Variants in NOS1 observed in about 807,000 individuals in gnomAD.
The protein encoded by NOS1 is nitric oxide synthase 1, also known as NOS type I.
A neutral mutation model predicts 164.5 loss-of-function variants in NOS1; 51 were observed. That is an observed-to-expected ratio of 0.31 (90% CI 0.25 to 0.39). The LOEUF is 0.39. Among genes scored for constraint, NOS1 ranks in the 10% least tolerant of loss-of-function variants. NOS1 has a pLI of 1.00. For synonymous variants in NOS1, 719 were observed against 745.8 expected, an observed-to-expected ratio of 0.96 and a Z score of 0.59; for missense variants, 1,362 against 1,885.6, an observed-to-expected ratio of 0.72 and a Z score of 5.14.
At chr12:117,237,914 G>C (rs1270744563) in intron 20 of NOS1, among the ~76,000 whole-genome samples, 1 of 152,120 alleles carries the variant, frequency 6.6e-6, no homozygotes, top group Non-Finnish European at 1.5e-5. Flanking sequence ...GATGGGTTGA[G>C]GGGAGCAGGC....
Position 117,215,148 on chromosome 12 carries a change from CCGAGGAAACCACTGAGGGG to C in NOS1, c.*142_*160del. The C allele has an allele frequency of 1.5e-6, 2 of 1,321,482 alleles. No homozygotes were observed. The highest frequency in any genetic ancestry group is 1.9e-6 in the Non-Finnish European group (2 of 1,026,306). The allele number at this position is 1,321,482 out of a possible 1,614,324, so 81.9% of individuals were successfully genotyped here. A position where few individuals can be genotyped will look rare whatever the true frequency, so the allele number is the denominator to read the frequency against. On this transcript the variant is annotated 3_prime_UTR_variant, in exon 29 of 29. Coordinates refer to ENST00000317775, the MANE Select transcript of NOS1 (RefSeq NM_000620.5). Reference sequence around the variant, plus strand: ...AACTCAAGGAGTAAACCCAGGAGGGCCGAGGAAACCACTGAGGGGCGAGAAGCCCGAGGAGGGAAACCAG... The same window carrying C: ...AACTCAAGGAGTAAACCCAGGAGGGCCGAGAAGCCCGAGGAGGGAAACCAG...
chr12:117,260,498 CA>C lies in NOS1; in HGVS notation c.2333del (p.Leu778CysfsTer13). ...CAAAGGCGTGTTTGAAGATCTCACA[CA>C]AGGTCTTGGCATAAGCTTGCGATTT... is the stretch of plus-strand genomic sequence containing the variant. ...TGKSQAYAKTLCEIFKHAFDA... is the reference protein window; with the variant it reads ...TGKSQAYAKTXCEIFKHAFDA... On this transcript the variant is annotated frameshift_variant, in exon 14 of 29. Coordinates refer to ENST00000317775, the MANE Select transcript of NOS1 (RefSeq NM_000620.5). LOFTEE classifies it high-confidence loss of function. 6.2e-7 allele frequency: 1 copy of C among 1,614,148 alleles called. No individual in the cohort carries two copies. Among genetic ancestry groups the C allele is most frequent in the Non-Finnish European group, 8.5e-7 (1 of 1,180,012 alleles).
intron 9 of NOS1, among the ~76,000 whole-genome samples, chr12:117,277,302 G>T (rs764664934): frequency 8.6e-5 from 13 of 151,866 alleles, no homozygotes; most frequent in Non-Finnish European, 1.8e-4. Context: ...TTGAAAATGT[G>T]GGTCAGGTAC....
chr12:117,233,679 G>A (rs538939971), intron 21 of NOS1, among the ~76,000 whole-genome samples: 12 of 151,768 alleles, frequency 7.9e-5, no homozygotes, highest in African/African-American at 2.7e-4. Context: ...GTGGTGGCAC[G>A]CGCCTGTAAT....
chr12:117,273,626 A>G (rs1211103835), intron 9 of NOS1, among the ~76,000 whole-genome samples: 8 of 152,194 alleles, frequency 5.3e-5, no homozygotes, highest in African/African-American at 1.4e-4. Flanking sequence ...ATAAAAACCC[A>G]ATAATTAGGA....
At chr12:117,341,035 G>A (rs1287757572) in intron 1 of NOS1, among the ~76,000 whole-genome samples, 2 of 151,840 alleles carry the variant, frequency 1.3e-5, no homozygotes, top group South Asian at 2.1e-4. Flanking sequence ...AATAGTTAAC[G>A]TTTTCTATGT....
intron 3 of NOS1, among the ~76,000 whole-genome samples, chr12:117,301,270 A>G (rs552560477): frequency 2.1e-4 from 32 of 152,072 alleles, no homozygotes; most frequent in African/African-American, 7.5e-4. Context: ...TGGGATTACA[A>G]GTGTGTGCCA....
chr12:117,213,250 T>C lies in NOS1; in HGVS notation c.*2059A>G. ...TTCCCTGGGGAATTGGGGAGGCGTCTCCAAAGCTATAAAGGATTGGAAAGA... is the reference window on the plus strand; with the variant it reads ...TTCCCTGGGGAATTGGGGAGGCGTCCCCAAAGCTATAAAGGATTGGAAAGA... On this transcript the variant is annotated 3_prime_UTR_variant, in exon 29 of 29. Transcript: ENST00000317775. 1 of 985,408 alleles carries C rather than the reference T, an allele frequency of 1.0e-6. No individual in the cohort carries two copies. The highest frequency in any genetic ancestry group is 6.1e-5 in the Admixed American group (1 of 16,278). 61.0% of individuals were successfully genotyped at this position (985,408 alleles called of 1,614,324 possible).
Position 117,210,857 on chromosome 12 carries a change from GCTGA to G in NOS1, c.*4448_*4451del, listed in dbSNP as rs1956516137. On this transcript the variant is annotated 3_prime_UTR_variant, in exon 29 of 29. Coordinates refer to ENST00000317775, the MANE Select transcript of NOS1 (RefSeq NM_000620.5). Reference sequence around the variant, plus strand: ...GATTCACCCTGTTGACTCCAGAGAAGCTGACTATCACATCAGCTCTGAAAACTCA... The same window carrying G: ...GATTCACCCTGTTGACTCCAGAGAAGCTATCACATCAGCTCTGAAAACTCA... The G allele has an allele frequency of 1.0e-6, 1 of 985,458 alleles. No individual in the cohort carries two copies. Among genetic ancestry groups the G allele is most frequent in the Non-Finnish European group, 1.2e-6 (1 of 829,948 alleles). The allele number at this position is 985,458 out of a possible 1,614,324, so 61.0% of individuals were successfully genotyped here. A position where few individuals can be genotyped will look rare whatever the true frequency, so the allele number is the denominator to read the frequency against.
chr12:117,268,239 T>C (rs1872560325), intron 10 of NOS1, 95 bp from the exon 11 acceptor site: 2 of 865,372 alleles, frequency 2.3e-6, no homozygotes, highest in Non-Finnish European at 3.8e-6. Flanking sequence ...TAATTTCTTT[T>C]CTTTTTTTTT....
Position 117,234,658 on chromosome 12 carries a change from G to T in NOS1, c.3142C>A (p.Leu1048Ile), listed in dbSNP as rs746992969. ...LGVFPGNHED[L>I]VNALIERLED... ...AGCCGCTCGATCAGGGCATTCACGA[G>T]GTCCTCGTGGTTGCCAGGGAAGACA... is the stretch of plus-strand genomic sequence containing the variant. Residue 1048 changes from leucine (L) to isoleucine (I), a missense_variant, in exon 21 of 29, where the codon CTC (leucine) becomes ATC (isoleucine). Coordinates refer to ENST00000317775, the MANE Select transcript of NOS1 (RefSeq NM_000620.5). This position sits in a 1 kb window ranked among gnomAD's most constrained non-coding sequence, Gnocchi z 4.3. The T allele has an allele frequency of 3.7e-6, 6 of 1,614,078 alleles. No individual in the cohort carries two copies. In the South Asian group the frequency reaches 5.5e-5, roughly 15 times the overall value.
chr12:117,280,519 G>A (rs1873553362), intron 8 of NOS1, among the ~76,000 whole-genome samples: 1 of 152,212 alleles, frequency 6.6e-6, no homozygotes, highest in South Asian at 2.1e-4. Flanking sequence ...GGAGGGCTGA[G>A]TGAGGTAATG....
intron 2 of NOS1, among the ~76,000 whole-genome samples, chr12:117,322,222 C>T (rs1874984525): frequency 1.5e-5 from 2 of 134,632 alleles, no homozygotes; most frequent in Admixed American, 7.3e-5. Context: ...CTCCCTCTTT[C>T]CTTCCTTCCC....
In NOS1 at chr12:117,311,577, C is replaced by T; in HGVS notation, c.741G>A (p.Lys247=). The T allele has an allele frequency of 1.2e-6, 2 of 1,611,588 alleles. No homozygotes were observed. Among genetic ancestry groups the T allele is most frequent in the Non-Finnish European group, 8.5e-7 (1 of 1,178,718 alleles). Residue 247 remains lysine (K), a synonymous_variant, in exon 3 of 29, where the codon AAG becomes AAA. Transcript: ENST00000317775. Reference sequence around the variant, plus strand: ...CGCCGAGGGGCAGAGGTTTGTGTGACTTGCCGTCCAAATCTCTGAAAGGCA... The same window carrying T: ...CGCCGAGGGGCAGAGGTTTGTGTGATTTGCCGTCCAAATCTCTGAAAGGCA... ...GIQVDRDLDG[K]SHKPLPLGVE...
At position 117,210,457 on chromosome 12, in the gene NOS1, A is replaced by C. The variant is rs375987172; in HGVS notation, c.*4852T>G. 5.1e-6 allele frequency: 5 copies of C among 985,376 alleles called. No homozygotes were observed. In the East Asian group the frequency reaches 4.5e-4, roughly 89 times the overall value. The allele number at this position is 985,376 out of a possible 1,614,324, so 61.0% of individuals were successfully genotyped here. On this transcript the variant is annotated 3_prime_UTR_variant, in exon 29 of 29. Transcript: ENST00000317775. ...AAGGCTTTGAGGACATGGTGGCCAC[A>C]GCGGCATGCTGGGTATGTGGGGCAG...
At position 117,208,668 on chromosome 12, in the gene NOS1, C is replaced by T. The variant is rs1956480347; in HGVS notation, c.*6641G>A. 9.1e-7 allele frequency: 1 copy of T among 1,103,630 alleles called. No individual in the cohort carries two copies. Among genetic ancestry groups the T allele is most frequent in the Non-Finnish European group, 1.1e-6 (1 of 897,294 alleles). 68.4% of individuals were successfully genotyped at this position (1,103,630 alleles called of 1,614,324 possible). A position where few individuals can be genotyped will look rare whatever the true frequency, so the allele number is the denominator to read the frequency against. On this transcript the variant is annotated 3_prime_UTR_variant, in exon 29 of 29. Transcript: ENST00000317775. ...CTCAGTGAGTCTTAATCAGAACCAA[C>T]ACCAAGGACACAGTGTCTTATTGAA...
At chr12:117,304,332 C>T (rs1325542240) in intron 3 of NOS1, among the ~76,000 whole-genome samples, 1 of 152,174 alleles carries the variant, frequency 6.6e-6, no homozygotes, top group Non-Finnish European at 1.5e-5. Context: ...TTCTTTTAGG[C>T]AAACTTCTAC....
chr12:117,292,854 C>G (rs913423900), intron 3 of NOS1, among the ~76,000 whole-genome samples: 2 of 152,180 alleles, frequency 1.3e-5, no homozygotes, highest in African/African-American at 4.8e-5. Flanking sequence ...CCCATGGAGT[C>G]ACAGTCCTGT....
intron 17 of NOS1, among the ~76,000 whole-genome samples, chr12:117,249,712 C>A (rs367825159): frequency 3.9e-5 from 6 of 152,140 alleles, no homozygotes; most frequent in Non-Finnish European, 8.8e-5. Context: ...GTGCTTGAAC[C>A]AGTGGGGTCA....
Sources: allele counts gnomAD v4.1 joint callset (sites outside exome capture counted in the v4.1 genomes callset), GRCh38; gene constraint gnomAD v4.1.1; non-coding constraint Gnocchi (gnomAD v3.1); transcripts MANE v1.5; gene names NCBI Gene and HGNC (gene_info 2026-07-23, HGNC 2026-07-21).